ADAMTS19: variants seen among roughly 807,000 people sequenced by gnomAD.
ADAMTS19 encodes ADAM metallopeptidase with thrombospondin type 1 motif 19, also known as A disintegrin and metalloproteinase with thrombospondin motifs 19.
A neutral mutation model predicts 153.3 loss-of-function variants in ADAMTS19; 93 were observed. That is an observed-to-expected ratio of 0.61 (90% CI 0.51 to 0.72). ADAMTS19 has a LOEUF of 0.72. ADAMTS19 is among the 30% of genes least tolerant of loss of function. ADAMTS19 has a pLI of 0.00. For missense variants in ADAMTS19, 1,482 were observed against 1,552.1 expected (o/e 0.95, Z 0.76); for synonymous variants, 600 against 556.6 (o/e 1.08, Z -1.10).
chr5:129,601,613 C>T (rs1750653329), intron 8 of ADAMTS19, among the ~76,000 whole-genome samples: 1 of 152,136 alleles, frequency 6.6e-6, no homozygotes, highest in African/African-American at 2.4e-5. Context: ...AGATTAAAAG[C>T]ATCAAAGGAA....
chr5:129,715,890 T>C (rs1756702701), intron 21 of ADAMTS19, among the ~76,000 whole-genome samples: 1 of 152,010 alleles, frequency 6.6e-6, no homozygotes, highest in South Asian at 2.1e-4. Context: ...TCAAAGTATA[T>C]GTGTACCTGG....
intron 14 of ADAMTS19, among the ~76,000 whole-genome samples, chr5:129,657,096 C>G (rs1182038670): frequency 6.6e-6 from 1 of 152,186 alleles, no homozygotes; most frequent in Non-Finnish European, 1.5e-5. Context: ...CTTCTTTCAT[C>G]TAGACATTCT....
At chr5:129,536,604 C>T (rs1752439097) in intron 6 of ADAMTS19, among the ~76,000 whole-genome samples, 1 of 152,296 alleles carries the variant, frequency 6.6e-6, no homozygotes, top group African/African-American at 2.4e-5. Context: ...TATAAAGACA[C>T]ATGCACATGT....
At chr5:129,539,480 C>G (rs1331736809) in intron 6 of ADAMTS19, among the ~76,000 whole-genome samples, 2 of 152,058 alleles carry the variant, frequency 1.3e-5, no homozygotes, top group African/African-American at 4.8e-5. Flanking sequence ...AAGACCTGCA[C>G]TTGACTTCTG....
chr5:129,722,064 GT>G (rs1757028304), intron 21 of ADAMTS19, among the ~76,000 whole-genome samples: 3 of 152,130 alleles, frequency 2.0e-5, no homozygotes, highest in African/African-American at 7.2e-5. Flanking sequence ...ATAAACATAT[GT>G]GTGTGTGTAT....
intron 10 of ADAMTS19, among the ~76,000 whole-genome samples, chr5:129,639,787 A>G (rs972937788): frequency 6.6e-6 from 1 of 152,194 alleles, no homozygotes; most frequent in African/African-American, 2.4e-5. Context: ...ATTTTCTTCT[A>G]AAGAAAAATC....
rs546512809 is a variant in ADAMTS19, at chr5:129,547,815, AC to A, written c.1329-4047del. 4.0e-5 allele frequency among the ~76,000 whole-genome samples: 6 copies of A among 151,034 alleles called. No individual in the cohort carries two copies. The East Asian group carries it at 1.2e-3, about 29-fold the overall frequency. ...GAAACCAAAACAGCATGGTACTGCT[AC>A]CAAAACAGACATACAGATCAATGGA... On this transcript the variant is annotated intron_variant, in intron 6 of 22. Coordinates refer to ENST00000274487, the MANE Select transcript of ADAMTS19 (RefSeq NM_133638.6).
intron 21 of ADAMTS19, among the ~76,000 whole-genome samples, chr5:129,729,235 T>C (rs1020548814): frequency 1.3e-5 from 2 of 152,038 alleles, no homozygotes; most frequent in Admixed American, 6.6e-5. Context: ...AGAATTATTT[T>C]GGCTTTTTCT....
intron 22 of ADAMTS19, among the ~76,000 whole-genome samples, chr5:129,735,960 A>G (rs1757647167): frequency 6.6e-6 from 1 of 152,074 alleles, no homozygotes; most frequent in African/African-American, 2.4e-5. Context: ...CCAAAATGTA[A>G]GAAGATAAAT....
chr5:129,624,693 A>G (rs886931305), intron 10 of ADAMTS19, among the ~76,000 whole-genome samples: 2 of 152,206 alleles, frequency 1.3e-5, no homozygotes, highest in African/African-American at 4.8e-5. Flanking sequence ...TTTTCCATAA[A>G]TACTATTTTA....
At chr5:129,528,759 G>A in intron 6 of ADAMTS19, 82 bp downstream of exon 6, 1 of 1,140,624 alleles carries the variant, frequency 8.8e-7, no homozygotes, top group Non-Finnish European at 1.2e-6. Flanking sequence ...AATAGATAAT[G>A]TTTTTATTTC....
rs753802304 is a variant in ADAMTS19 at position 129,688,814 on chromosome 5, G to GT, written c.2818+4546dup. ...CTTTTATTTTCAAACAGCTTGAAAT[G>GT]TTTTTGTGAAAGAAATGTTCACTTT... is the stretch of plus-strand genomic sequence containing the variant. On this transcript the variant is annotated intron_variant, in intron 18 of 22. Coordinates refer to ENST00000274487, the MANE Select transcript of ADAMTS19 (RefSeq NM_133638.6). 3.2e-4 allele frequency among the ~76,000 whole-genome samples: 48 copies of GT among 152,242 alleles called. No individual in the cohort carries two copies. The East Asian group carries it at 7.3e-3, about 23-fold the overall frequency.
intron 3 of ADAMTS19, among the ~76,000 whole-genome samples, chr5:129,512,841 C>T (rs541202315): frequency 2.0e-5 from 3 of 152,150 alleles, no homozygotes; most frequent in Admixed American, 6.6e-5. Context: ...CCATCTCTGT[C>T]TCTTCTATGG....
chr5:129,659,104 A>C (rs537892347), intron 15 of ADAMTS19, among the ~76,000 whole-genome samples: 1 of 152,320 alleles, frequency 6.6e-6, no homozygotes, highest in Admixed American at 6.5e-5. Flanking sequence ...TGAGAATAGG[A>C]ATCCTCTGGT....
At chr5:129,737,028 T>A (rs202041142) in intron 22 of ADAMTS19, 39 bp from the exon 23 acceptor site, 9 of 1,520,944 alleles carry the variant, frequency 5.9e-6, no homozygotes, top group Non-Finnish European at 8.0e-6. Flanking sequence ...ACATATATGA[T>A]ATCTGCATGG....
intron 13 of ADAMTS19, among the ~76,000 whole-genome samples, chr5:129,652,963 G>C (rs1753380792): frequency 6.6e-6 from 1 of 152,134 alleles, no homozygotes; most frequent in Non-Finnish European, 1.5e-5. Flanking sequence ...GCTTATAATG[G>C]CATCTTAAAG....
chr5:129,679,128 C>T lies in ADAMTS19; in HGVS notation c.2507-636C>T, dbSNP rs144656110. On this transcript the variant is annotated intron_variant, in intron 16 of 22. Transcript: ENST00000274487. ...AAAAAATTATGTAAACAGAATTATT[C>T]TGTAAAATCCTATATAGATGATTGT... Among the ~76,000 whole-genome samples, 84 of 152,274 alleles carry T rather than the reference C, an allele frequency of 5.5e-4. No individual in the cohort carries two copies. In the East Asian group the frequency reaches 0.013, roughly 24 times the overall value.
At chr5:129,728,907 T>C (rs1757320470) in intron 21 of ADAMTS19, among the ~76,000 whole-genome samples, 1 of 152,164 alleles carries the variant, frequency 6.6e-6, no homozygotes, top group South Asian at 2.1e-4. Flanking sequence ...ACTGTAATTT[T>C]AAGACTATGT....
chr5:129,511,004 G>C (rs1751424139), intron 3 of ADAMTS19, among the ~76,000 whole-genome samples: 1 of 151,458 alleles, frequency 6.6e-6, no homozygotes. Flanking sequence ...CTTTTTGAGG[G>C]CTCAGAATTT....
Sources: allele counts gnomAD v4.1 joint callset (sites outside exome capture counted in the v4.1 genomes callset), GRCh38; gene constraint gnomAD v4.1.1; transcripts MANE v1.5; gene names NCBI Gene and HGNC (gene_info 2026-07-23, HGNC 2026-07-21).